Variants in AKNA observed in about 807,000 individuals in gnomAD.
AKNA encodes microtubule organization protein AKNA.
In AKNA, 67 loss-of-function variants were observed where a neutral mutation model predicts 138.8. That is an observed-to-expected ratio of 0.48 (90% CI 0.40 to 0.59). The LOEUF (loss-of-function observed/expected upper bound fraction) is 0.59, where lower values mean the gene tolerates loss of function less well. Among genes scored for constraint, AKNA ranks in the 20% least tolerant of loss-of-function variants. The pLI is 0.00. For synonymous variants in AKNA, 737 were observed against 754.4 expected (o/e 0.98, Z 0.38); for missense variants, 1,813 against 1,880.4 (o/e 0.96, Z 0.66).
intron 9 of AKNA, among the ~76,000 whole-genome samples, chr9:114,360,626 G>A (rs1564634890): frequency 6.6e-6 from 1 of 152,140 alleles, no homozygotes; most frequent in Middle Eastern, 3.4e-3. Context: ...CCAAACCATA[G>A]GGCCAGCATG....
At chr9:114,366,406 G>T (rs1305288567) in intron 6 of AKNA, among the ~76,000 whole-genome samples, 1 of 152,152 alleles carries the variant, frequency 6.6e-6, no homozygotes, top group Admixed American at 6.5e-5. Flanking sequence ...TGAATCTATT[G>T]CTATGAGACA....
intron 17 of AKNA, among the ~76,000 whole-genome samples, 198 bp from the exon 18 acceptor site, chr9:114,346,207 G>A (rs771682177): frequency 6.6e-6 from 1 of 152,174 alleles, no homozygotes; most frequent in African/African-American, 2.4e-5. Flanking sequence ...TGTGTGTGCC[G>A]TGTTGGGCAC....
chr9:114,332,673 C>G (rs1030103839), downstream of AKNA, among the ~76,000 whole-genome samples: 1 of 152,122 alleles, frequency 6.6e-6, no homozygotes, highest in African/African-American at 2.4e-5. Context: ...AGTCAGCTCA[C>G]TTGATCCACA....
chr9:114,387,601 G>A (rs918265228), intron 1 of AKNA, among the ~76,000 whole-genome samples: 3 of 152,182 alleles, frequency 2.0e-5, no homozygotes, highest in Admixed American at 1.3e-4. Context: ...AGATGGACCC[G>A]CCTACCCAAG....
rs1051188455 is a variant in AKNA, at chr9:114,374,576, TAAGAAGTA to T, written c.1342-417_1342-410del. Reference sequence around the variant, plus strand: ...TGTCGGTGTTTAAGAAGCATGTGCTTAAGAAGTACCTGATTTTCAATGGCTAATTGAAT... The same window carrying T: ...TGTCGGTGTTTAAGAAGCATGTGCTTCCTGATTTTCAATGGCTAATTGAAT... On this transcript the variant is annotated intron_variant, in intron 3 of 21. Coordinates refer to ENST00000374088, the MANE Select transcript of AKNA (RefSeq NM_001317950.2). Among the ~76,000 whole-genome samples the T allele has an allele frequency of 3.9e-5, 6 of 152,342 alleles. No individual in the cohort carries two copies. In the East Asian group the frequency reaches 5.8e-4, roughly 15 times the overall value.
rs887590836 is a variant in AKNA, at chr9:114,336,154, T to G, written c.*900A>C. On this transcript the variant is annotated 3_prime_UTR_variant, in exon 22 of 22. Transcript: ENST00000374088. ...GCTTTGGGTATTTTTTTTGTCTTCTTTTCTTTTTTTAAGATCAATATTCAT... is the reference window on the plus strand; with the variant it reads ...GCTTTGGGTATTTTTTTTGTCTTCTGTTCTTTTTTTAAGATCAATATTCAT... 4 of 152,644 alleles carry G rather than the reference T, an allele frequency of 2.6e-5. No homozygotes were observed. The highest frequency in any genetic ancestry group is 5.9e-5 in the Non-Finnish European group (4 of 68,032). The allele number at this position is 152,644 out of a possible 1,614,324, so 9.5% of individuals were successfully genotyped here. A position where few individuals can be genotyped will look rare whatever the true frequency, so the allele number is the denominator to read the frequency against.
chr9:114,331,881 C>A, downstream of AKNA: 6 of 1,613,902 alleles, frequency 3.7e-6, no homozygotes, highest in Non-Finnish European at 5.1e-6. Flanking sequence ...AAGCTCTCGA[C>A]TGCTTGTGCA....
intron 2 of AKNA, among the ~76,000 whole-genome samples, chr9:114,379,570 G>A (rs1426714797): frequency 3.9e-5 from 6 of 152,218 alleles, no homozygotes; most frequent in Admixed American, 3.9e-4. Context: ...TCCACTACCA[G>A]AGGAGGCTTC....
At chr9:114,360,096 G>C (rs772729518) in intron 9 of AKNA, 34 bp from the exon 10 acceptor site, 5 of 1,613,526 alleles carry the variant, frequency 3.1e-6, no homozygotes, top group Non-Finnish European at 4.2e-6. Context: ...CAGAGATTCA[G>C]CAGATAGTTA....
rs769078803 is a variant in AKNA, at chr9:114,381,341, G to A, written c.-8C>T. Reference sequence around the variant, plus strand: ...AGTCTCCGAGCTGGCCATTGGGGCTGGCCTGGGCTTCACCTGGGCCACTTC... The same window carrying A: ...AGTCTCCGAGCTGGCCATTGGGGCTAGCCTGGGCTTCACCTGGGCCACTTC... On this transcript the variant is annotated 5_prime_UTR_variant, in exon 2 of 22. Coordinates refer to ENST00000374088, the MANE Select transcript of AKNA (RefSeq NM_001317950.2). 1 of 1,563,620 alleles carries A rather than the reference G, an allele frequency of 6.4e-7. No individual in the cohort carries two copies. Among genetic ancestry groups the A allele is most frequent in the Non-Finnish European group, 8.7e-7 (1 of 1,154,520 alleles).
Position 114,377,549 on chromosome 9 carries a change from T to C in AKNA, c.275-17A>G, listed in dbSNP as rs1424442303. 1 of 1,578,050 alleles carries C rather than the reference T, an allele frequency of 6.3e-7. No individual in the cohort carries two copies. The highest frequency in any genetic ancestry group is 8.6e-7 in the Non-Finnish European group (1 of 1,162,188). ...CTTCAGCCTCTGGAAAGACAGGCCA[T>C]TCACTTCTTAGCATATACCAGCTCT... On this transcript the variant is annotated splice_polypyrimidine_tract_variant and intron_variant, in intron 2 of 21. Transcript: ENST00000374088.
upstream of AKNA, chr9:114,388,000 C>G (rs1834168895): frequency 1.5e-5 from 6 of 387,696 alleles, no homozygotes; most frequent in South Asian, 1.1e-4. Flanking sequence ...CAAGCTGCTG[C>G]TCACAGACCA....
chr9:114,337,916 C>T (rs993135290), intron 21 of AKNA, among the ~76,000 whole-genome samples: 1 of 152,156 alleles, frequency 6.6e-6, no homozygotes, highest in East Asian at 1.9e-4. Flanking sequence ...TTTTAAAGTG[C>T]TGTGGGAATG....
In AKNA at chr9:114,377,246, G is replaced by A. The variant is rs141666624; in HGVS notation, c.561C>T (p.Ser187=). ...QASGDKLSEH[S]EVNPSVELSP... is the part of the protein sequence containing the mutation. ...TGAGTTCAACGGATGGGTTGACCTCGGAATGTTCAGAAAGTTTGTCCCCAC... is the reference window on the plus strand; with the variant it reads ...TGAGTTCAACGGATGGGTTGACCTCAGAATGTTCAGAAAGTTTGTCCCCAC... Residue 187 remains serine, a synonymous_variant, in exon 3 of 22, where the codon TCC becomes TCT. Transcript: ENST00000374088. 1.1e-4 allele frequency: 177 copies of A among 1,614,162 alleles called. No homozygotes were observed. The East Asian group carries it at 1.2e-3, about 11-fold the overall frequency.
chr9:114,342,156 G>T (rs1224431770), intron 19 of AKNA, 31 bp from the exon 20 acceptor site: 4 of 1,473,516 alleles, frequency 2.7e-6, no homozygotes, highest in African/African-American at 2.8e-5. Flanking sequence ...GTCAGGGGAG[G>T]ATTACATCTA....
chr9:114,389,297 A>T (rs1417061797), upstream of AKNA, among the ~76,000 whole-genome samples: 1 of 152,130 alleles, frequency 6.6e-6, no homozygotes, highest in Admixed American at 6.5e-5. Context: ...CACTGGCCCC[A>T]CCCAGGACCC....
chr9:114,368,739 C>T, intron 4 of AKNA, 144 bp from the exon 5 acceptor site: 1 of 709,654 alleles, frequency 1.4e-6, no homozygotes, highest in Non-Finnish European at 2.0e-6. Flanking sequence ...CTAGGCCAAA[C>T]ACAGGTGAAG....
chr9:114,391,388 C>A (rs2132152948), upstream of AKNA, among the ~76,000 whole-genome samples: 1 of 152,348 alleles, frequency 6.6e-6, no homozygotes, highest in Admixed American at 6.5e-5. Context: ...CTTTTGGTTT[C>A]CCAAAATGCT....
At chr9:114,390,461 G>A (rs1274946777), upstream of AKNA, among the ~76,000 whole-genome samples, 5 of 151,900 alleles carry the variant, frequency 3.3e-5, no homozygotes, top group East Asian at 3.9e-4. Flanking sequence ...CCAATCCATC[G>A]TCAACTCCCA....
Sources: allele counts gnomAD v4.1 joint callset (sites outside exome capture counted in the v4.1 genomes callset), GRCh38; gene constraint gnomAD v4.1.1; transcripts MANE v1.5; gene names NCBI Gene and HGNC (gene_info 2026-07-23, HGNC 2026-07-21).